The following CALCRL variants were observed in gnomAD, a reference collection of about 807,000 sequenced individuals.
CALCRL encodes calcitonin gene-related peptide type 1 receptor.
In CALCRL, 27 loss-of-function variants were observed where a neutral mutation model predicts 60.4. The ratio of observed to expected loss-of-function variants is 0.45; its 90% confidence interval spans 0.33 to 0.62. The LOEUF is 0.62. CALCRL is among the 20% of genes least tolerant of loss of function. CALCRL has a pLI of 0.03. For synonymous variants in CALCRL, 190 were observed against 182.6 expected (o/e 1.04, Z -0.33); for missense variants, 424 against 540.7 (o/e 0.78, Z 2.14).
At chr2:187,421,762 T>C (rs182701108) in intron 1 of CALCRL, among the ~76,000 whole-genome samples, 21 of 152,326 alleles carry the variant, frequency 1.4e-4, no homozygotes, top group Admixed American at 1.2e-3. Flanking sequence ...CATTTTCATC[T>C]TCAGCTGTCT....
intron 1 of CALCRL, among the ~76,000 whole-genome samples, chr2:187,423,615 G>A (rs1425823660): frequency 1.3e-5 from 2 of 152,006 alleles, no homozygotes; most frequent in South Asian, 2.1e-4. Flanking sequence ...GCAATTGTGT[G>A]TGTGATAGTG....
At chr2:187,362,056 G>A (rs893110315) in intron 9 of CALCRL, among the ~76,000 whole-genome samples, 7 of 151,334 alleles carry the variant, frequency 4.6e-5, no homozygotes, top group East Asian at 1.9e-4. Context: ...TATTTAATTC[G>A]GCTTCTAATT....
At chr2:187,358,527 C>G (rs1000788056) in intron 12 of CALCRL, among the ~76,000 whole-genome samples, 2 of 150,042 alleles carry the variant, frequency 1.3e-5, no homozygotes, top group South Asian at 2.2e-4. Context: ...TCCCACCCCC[C>G]CCTGCTAGAT....
intron 1 of CALCRL, among the ~76,000 whole-genome samples, chr2:187,436,244 A>G: frequency 6.6e-6 from 1 of 152,176 alleles, no homozygotes; most frequent in East Asian, 1.9e-4. Flanking sequence ...AGAGAACACT[A>G]TGTCAGGGCA....
At chr2:187,389,151 C>T (rs1688329136) in intron 1 of CALCRL, among the ~76,000 whole-genome samples, 1 of 150,774 alleles carries the variant, frequency 6.6e-6, no homozygotes, top group African/African-American at 2.4e-5. Flanking sequence ...TGGCTCACTG[C>T]AATCTCCGTC....
chr2:187,415,692 C>T (rs1381091413), intron 1 of CALCRL: 7 of 589,666 alleles, frequency 1.2e-5, no homozygotes, highest in Admixed American at 4.5e-5. Context: ...TTGTCTCCTC[C>T]GACTTCAACA....
At chr2:187,441,197 G>T (rs1022338594) in intron 1 of CALCRL, among the ~76,000 whole-genome samples, 4 of 151,972 alleles carry the variant, frequency 2.6e-5, no homozygotes, top group African/African-American at 7.2e-5. Context: ...CGAACACAGT[G>T]AATCTGGTTG....
At position 187,360,710 on chromosome 2, in the gene CALCRL, CATCAGGTAAAGATG is replaced by C; in HGVS notation, c.655_668del (p.His219GlyfsTer3). On this transcript the variant is annotated frameshift_variant, in exon 10 of 15. Transcript: ENST00000392370. LOFTEE classifies it high-confidence loss of function. ...AGAGCATCCAAAAGTAATTACAGCC[CATCAGGTAAAGATG>C]AATGAACTGGGACACTTTGCAACTA... 1 of 1,612,348 alleles carries C rather than the reference CATCAGGTAAAGATG, an allele frequency of 6.2e-7. No individual in the cohort carries two copies. Among genetic ancestry groups the C allele is most frequent in the Non-Finnish European group, 8.5e-7 (1 of 1,179,008 alleles).
At chr2:187,389,638 T>G (rs1436218170) in intron 1 of CALCRL, among the ~76,000 whole-genome samples, 1 of 152,160 alleles carries the variant, frequency 6.6e-6, no homozygotes, top group East Asian at 1.9e-4. Flanking sequence ...GGTCATAATT[T>G]TTTTACAAAT....
intron 1 of CALCRL, among the ~76,000 whole-genome samples, chr2:187,446,021 GA>G (rs916511276): frequency 2.4e-4 from 37 of 151,114 alleles, no homozygotes; most frequent in African/African-American, 7.3e-4. Context: ...ATGTAAGATA[GA>G]AAAAAAATCT....
intron 8 of CALCRL, among the ~76,000 whole-genome samples, chr2:187,367,143 A>G (rs909959479): frequency 1.9e-4 from 29 of 152,178 alleles, no homozygotes; most frequent in African/African-American, 5.3e-4. Context: ...TAATTTCATT[A>G]CAAAGACATT....
chr2:187,406,959 T>A (rs967852353), intron 1 of CALCRL, among the ~76,000 whole-genome samples: 1 of 152,038 alleles, frequency 6.6e-6, no homozygotes, highest in Non-Finnish European at 1.5e-5. Flanking sequence ...GACTTAACTA[T>A]CATTCCCAAA....
chr2:187,370,894 A>G (rs1378290875), intron 8 of CALCRL, among the ~76,000 whole-genome samples: 1 of 152,214 alleles, frequency 6.6e-6, no homozygotes, highest in Non-Finnish European at 1.5e-5. Flanking sequence ...TTGGAGAGGG[A>G]TGGATTTTTA....
intron 8 of CALCRL, among the ~76,000 whole-genome samples, chr2:187,376,472 T>C (rs1229242807): frequency 2.6e-5 from 4 of 152,160 alleles, no homozygotes; most frequent in Admixed American, 2.6e-4. Flanking sequence ...TGCTCTCATA[T>C]AGTGAACTAG....
intron 14 of CALCRL, among the ~76,000 whole-genome samples, chr2:187,350,208 C>A (rs899367638): frequency 4.2e-4 from 63 of 151,584 alleles, no homozygotes; most frequent in African/African-American, 1.4e-3. Context: ...GAATTAAAAT[C>A]TGTTTCTGTA....
rs759024168 is a variant in CALCRL, at chr2:187,351,908, CA to C, written c.1170+11del. Reference sequence around the variant, plus strand: ...TATAAAATAATAGAAGGAATAAAATCAATTATCATACCTCTCCATTAAAGAA... The same window carrying C: ...TATAAAATAATAGAAGGAATAAAATCATTATCATACCTCTCCATTAAAGAA... On this transcript the variant is annotated intron_variant, in intron 14 of 14. Coordinates refer to ENST00000392370, the MANE Select transcript of CALCRL (RefSeq NM_005795.6). The C allele has an allele frequency of 6.6e-7, 1 of 1,511,764 alleles. No individual in the cohort carries two copies. Among genetic ancestry groups the C allele is most frequent in the South Asian group, 1.2e-5 (1 of 86,254 alleles). The allele number at this position is 1,511,764 out of a possible 1,614,324, so 93.6% of individuals were successfully genotyped here. A position where few individuals can be genotyped will look rare whatever the true frequency, so the allele number is the denominator to read the frequency against.
At chr2:187,348,879 T>C (rs1686400589) in intron 14 of CALCRL, among the ~76,000 whole-genome samples, 1 of 151,694 alleles carries the variant, frequency 6.6e-6, no homozygotes, top group Non-Finnish European at 1.5e-5. Context: ...AAATTTCCAT[T>C]GTAAGGGAAG....
intron 1 of CALCRL, among the ~76,000 whole-genome samples, chr2:187,425,317 T>C (rs994883731): frequency 1.3e-5 from 2 of 151,966 alleles, no homozygotes; most frequent in East Asian, 3.8e-4. Flanking sequence ...AATAGTCATG[T>C]CACAAATATA....
chr2:187,342,628 A>C lies in CALCRL; in HGVS notation c.*3556T>G, dbSNP rs1350805189. 6.6e-6 allele frequency among the ~76,000 whole-genome samples: 1 copy of C among 151,724 alleles called. No homozygotes were observed. Among genetic ancestry groups the C allele is most frequent in the Non-Finnish European group, 1.5e-5 (1 of 67,674 alleles). The stretch of plus-strand genomic sequence containing the variant: ...TATAAGAAAAAAACACAAGTGTTTT[A>C]AATGGGCATTTTCTCCAGAAAACAG... On this transcript the variant is annotated 3_prime_UTR_variant, in exon 15 of 15. Transcript: ENST00000392370.
Sources: allele counts gnomAD v4.1 joint callset (sites outside exome capture counted in the v4.1 genomes callset), GRCh38; gene constraint gnomAD v4.1.1; transcripts MANE v1.5; gene names NCBI Gene and HGNC (gene_info 2026-07-23, HGNC 2026-07-21).